CSMD1: variants seen among roughly 807,000 people sequenced by gnomAD.
CSMD1 encodes CUB and Sushi multiple domains 1, also known as CUB and sushi domain-containing protein 1.
CSMD1 carries 213 observed loss-of-function variants against 417.5 expected under a neutral mutation model. The observed-to-expected ratio is 0.51, with a 90% confidence interval of 0.46 to 0.57. The LOEUF is 0.57. CSMD1 is among the 20% of genes least tolerant of loss of function. CSMD1 has a pLI of 0.00. For missense variants in CSMD1, 6,923 were observed against 4,529.7 expected, an observed-to-expected ratio of 1.53 and a Z score of -15.17; for synonymous variants, 2,862 against 1,736.8, an observed-to-expected ratio of 1.65 and a Z score of -16.11.
At chr8:4,409,005 C>T (rs1053477035) in intron 3 of CSMD1, among the ~76,000 whole-genome samples, 2 of 152,168 alleles carry the variant, frequency 1.3e-5, no homozygotes, top group Admixed American at 1.3e-4. Flanking sequence ...TTTAAGAACT[C>T]TGAAGACAAA....
At chr8:4,912,335 C>T (rs1009144982) in intron 1 of CSMD1, among the ~76,000 whole-genome samples, 1 of 144,968 alleles carries the variant, frequency 6.9e-6, no homozygotes, top group African/African-American at 2.6e-5. Flanking sequence ...GGAAGAATTT[C>T]TTACATTAAG....
chr8:3,672,391 A>T (rs566319724), intron 7 of CSMD1, among the ~76,000 whole-genome samples: 1 of 152,262 alleles, frequency 6.6e-6, no homozygotes, highest in East Asian at 1.9e-4. Context: ...TGCATTCTCA[A>T]CCACAGCTCA....
At chr8:3,914,267 A>G (rs1808653791) in intron 5 of CSMD1, among the ~76,000 whole-genome samples, 1 of 152,176 alleles carries the variant, frequency 6.6e-6, no homozygotes, top group Non-Finnish European at 1.5e-5. Context: ...GAGAGGTTGC[A>G]TACTTTGGAG....
At chr8:4,527,044 T>C (rs1176184424) in intron 2 of CSMD1, among the ~76,000 whole-genome samples, 1 of 152,210 alleles carries the variant, frequency 6.6e-6, no homozygotes, top group Non-Finnish European at 1.5e-5. Context: ...CATATTTTTC[T>C]TTCCCTTTCT....
intron 54 of CSMD1, among the ~76,000 whole-genome samples, chr8:2,988,826 T>C (rs999400455): frequency 1.6e-4 from 24 of 152,168 alleles, no homozygotes; most frequent in Admixed American, 1.6e-3. Context: ...TAGAGCTGCA[T>C]CCTGTGAAGG....
chr8:2,954,414 C>T (rs1025565885), intron 64 of CSMD1, 146 bp from the exon 65 acceptor site: 21 of 527,654 alleles, frequency 4.0e-5, no homozygotes, highest in African/African-American at 4.0e-4. Flanking sequence ...ACATTTTAAA[C>T]TCATGTCTTT....
chr8:4,857,179 C>G (rs1325507208), intron 1 of CSMD1, among the ~76,000 whole-genome samples: 2 of 150,282 alleles, frequency 1.3e-5, no homozygotes, highest in Non-Finnish European at 3.0e-5. Flanking sequence ...GGGTACATAA[C>G]GAAATGAAGG....
chr8:3,337,965 T>C (rs1410334590), intron 23 of CSMD1, among the ~76,000 whole-genome samples: 1 of 152,206 alleles, frequency 6.6e-6, no homozygotes, highest in Admixed American at 6.5e-5. Context: ...AATGAGCCTC[T>C]TCACCACGTC....
intron 5 of CSMD1, among the ~76,000 whole-genome samples, chr8:3,980,452 T>G (rs890478525): frequency 1.3e-5 from 2 of 152,186 alleles, no homozygotes; most frequent in Admixed American, 6.5e-5. Context: ...TCTTACACGT[T>G]TGTGAAGATT....
intron 18 of CSMD1, among the ~76,000 whole-genome samples, chr8:3,374,868 C>T (rs1310206909): frequency 6.6e-6 from 1 of 152,138 alleles, no homozygotes; most frequent in Non-Finnish European, 1.5e-5. Context: ...CTGCCAAAGT[C>T]TTCTAATAAA....
chr8:4,465,787 G>A (rs539504268), intron 2 of CSMD1, among the ~76,000 whole-genome samples: 5 of 152,252 alleles, frequency 3.3e-5, no homozygotes, highest in African/African-American at 7.2e-5. Flanking sequence ...GAATGGGGGT[G>A]GTTATGGGTA....
At chr8:4,758,992 G>T (rs547522781) in intron 1 of CSMD1, among the ~76,000 whole-genome samples, 1 of 144,176 alleles carries the variant, frequency 6.9e-6, no homozygotes, top group East Asian at 1.9e-4. Context: ...GCATGACTTT[G>T]TAAGAATGTC....
At chr8:4,929,096 G>A (rs545014948) in intron 1 of CSMD1, among the ~76,000 whole-genome samples, 3 of 152,256 alleles carry the variant, frequency 2.0e-5, no homozygotes, top group South Asian at 4.2e-4. Context: ...AAGGCCTTTA[G>A]GATGGGCTTT....
At chr8:4,755,338 G>C (rs1028735958) in intron 1 of CSMD1, among the ~76,000 whole-genome samples, 2 of 151,916 alleles carry the variant, frequency 1.3e-5, no homozygotes, top group South Asian at 4.2e-4. Context: ...TTTCCTTTTG[G>C]GATATTATCT....
At chr8:3,119,384 TAAAAAAAAA>T (rs34060531) in intron 41 of CSMD1, among the ~76,000 whole-genome samples, 66 of 88,274 alleles carry the variant, frequency 7.5e-4, no homozygotes, top group South Asian at 3.5e-3. Context: ...AGTCTTTTTC[TAAAAAAAAA>T]AAAAAAAAAA....
At chr8:4,225,024 A>G (rs538346852) in intron 3 of CSMD1, among the ~76,000 whole-genome samples, 3 of 152,316 alleles carry the variant, frequency 2.0e-5, no homozygotes, top group Admixed American at 6.5e-5. Context: ...AGGCAAGACA[A>G]TCGCTTGAAC....
intron 2 of CSMD1, among the ~76,000 whole-genome samples, chr8:4,565,752 ATATATATATATAT>A: frequency 9.9e-4 from 1 of 1,008 alleles, no homozygotes; most frequent in South Asian, 0.026. Context: ...ATATATACAT[ATATATATATATAT>A]ATATATATAT....
At chr8:4,244,033 C>A (rs954274928) in intron 3 of CSMD1, among the ~76,000 whole-genome samples, 1 of 152,174 alleles carries the variant, frequency 6.6e-6, no homozygotes, top group Non-Finnish European at 1.5e-5. Context: ...AACCTGGCTG[C>A]AGGCTCTTTG....
chr8:4,299,178 G>A (rs545170766), intron 3 of CSMD1, among the ~76,000 whole-genome samples: 25 of 152,090 alleles, frequency 1.6e-4, no homozygotes, highest in Admixed American at 1.4e-3. Flanking sequence ...AACGTTGTAA[G>A]AAATTTATAG....
Sources: allele counts gnomAD v4.1 joint callset (sites outside exome capture counted in the v4.1 genomes callset), GRCh38; gene constraint gnomAD v4.1.1; transcripts MANE v1.5; gene names NCBI Gene and HGNC (gene_info 2026-07-23, HGNC 2026-07-21).